The following GAS7 variants were observed in gnomAD, a reference collection of about 807,000 sequenced individuals.
GAS7 encodes growth arrest-specific protein 7.
GAS7 carries 28 observed loss-of-function variants against 71.1 expected under a neutral mutation model. The observed-to-expected ratio is 0.39, with a 90% CI of 0.29 to 0.54. GAS7 has a LOEUF of 0.54. Among genes scored for constraint, GAS7 ranks in the 20% least tolerant of loss-of-function variants. GAS7 has a pLI of 0.62. For missense variants in GAS7, 436 were observed against 627.8 expected, an observed-to-expected ratio of 0.69 and a Z score of 3.27; for synonymous variants, 258 against 245.8, an observed-to-expected ratio of 1.05 and a Z score of -0.46.
chr17:10,103,699 G>A lies in GAS7; in HGVS notation c.184-83802C>T, dbSNP rs564387901. Among the ~76,000 whole-genome samples the A allele has an allele frequency of 9.9e-5, 15 of 152,126 alleles. No homozygotes were observed. Among genetic ancestry groups the A allele is most frequent in the African/African-American group, 3.6e-4 (15 of 41,502 alleles). On this transcript the variant is annotated intron_variant, in intron 1 of 13. Transcript: ENST00000432992. The surrounding 1 kb of genome is among the most constrained non-coding windows in gnomAD (Gnocchi z 5.5). Reference sequence around the variant, plus strand: ...AAATTAGCTGGGTGTGGTGGCACATGCCTGTAATCCCGGCTACTAGGGAGG... The same window carrying A: ...AAATTAGCTGGGTGTGGTGGCACATACCTGTAATCCCGGCTACTAGGGAGG...
chr17:10,056,194 T>C lies in GAS7; in HGVS notation c.184-36297A>G, dbSNP rs1192552674. On this transcript the variant is annotated intron_variant, in intron 1 of 13. Coordinates refer to ENST00000432992, the MANE Select transcript of GAS7 (RefSeq NM_201433.2). The stretch of plus-strand genomic sequence containing the variant: ...GGCAACATAGTGAGACCCCCATCTC[T>C]ACAAAAAATGTAAACATTAGCCAGG... Among the ~76,000 whole-genome samples the C allele has an allele frequency of 3.3e-5, 5 of 152,186 alleles. No homozygotes were observed. The East Asian group carries it at 9.7e-4, about 29-fold the overall frequency.
At chr17:10,197,130 G>C (rs1029845978) in intron 1 of GAS7, among the ~76,000 whole-genome samples, 3 of 152,154 alleles carry the variant, frequency 2.0e-5, no homozygotes, top group African/African-American at 7.2e-5. Context: ...TACATCCTCA[G>C]GCGGACTCAC....
chr17:9,973,690 C>T (rs1304452084), intron 3 of GAS7, among the ~76,000 whole-genome samples: 2 of 152,066 alleles, frequency 1.3e-5, no homozygotes, highest in African/African-American at 2.4e-5. Flanking sequence ...GAAAAATGAC[C>T]TCCCCGCAAA....
At chr17:10,078,830 C>T (rs1000597193) in intron 1 of GAS7, among the ~76,000 whole-genome samples, 2 of 152,170 alleles carry the variant, frequency 1.3e-5, no homozygotes, top group African/African-American at 4.8e-5. Context: ...GGGAGGACTG[C>T]TTGAGGCCAG....
Position 9,912,429 on chromosome 17 carries a change from A to G in GAS7, c.*4799T>C, listed in dbSNP as rs536705853. 2.6e-5 allele frequency: 6 copies of G among 233,100 alleles called. No homozygotes were observed. In the East Asian group the frequency reaches 3.6e-4, roughly 14 times the overall value. The allele number at this position is 233,100 out of a possible 1,614,324, so 14.4% of individuals were successfully genotyped here. A position where few individuals can be genotyped will look rare whatever the true frequency, so the allele number is the denominator to read the frequency against. ...ACAGATCCAGGAAAGCATCATGATGAGCCCCAGGGCCAGCCCCAGCCTTCT... is the reference window on the plus strand; with the variant it reads ...ACAGATCCAGGAAAGCATCATGATGGGCCCCAGGGCCAGCCCCAGCCTTCT... On this transcript the variant is annotated 3_prime_UTR_variant, in exon 14 of 14. Coordinates refer to ENST00000432992, the MANE Select transcript of GAS7 (RefSeq NM_201433.2).
intron 1 of GAS7, among the ~76,000 whole-genome samples, chr17:10,107,627 G>A (rs57129711): frequency 6.6e-6 from 1 of 151,460 alleles, no homozygotes; most frequent in Admixed American, 6.6e-5. Flanking sequence ...GTCCAGTGGG[G>A]GGCTGGGCAG....
At chr17:10,032,996 C>T (rs2072659057) in intron 1 of GAS7, among the ~76,000 whole-genome samples, 1 of 152,202 alleles carries the variant, frequency 6.6e-6, no homozygotes, top group Non-Finnish European at 1.5e-5. Flanking sequence ...GGATTCTCTT[C>T]CCCTTTGCCA....
At chr17:10,016,602 C>CAAAAAAAAA (rs1158379710) in intron 2 of GAS7, among the ~76,000 whole-genome samples, 50 of 84,676 alleles carry the variant, frequency 5.9e-4, no homozygotes, top group East Asian at 1.5e-3. Flanking sequence ...CTGTCTCTAC[C>CAAAAAAAAA]AAAAAAAAAA....
intron 1 of GAS7, among the ~76,000 whole-genome samples, chr17:10,114,088 T>A (rs1056096097): frequency 2.0e-5 from 3 of 152,084 alleles, no homozygotes; most frequent in Middle Eastern, 3.4e-3. Context: ...CTAATCTTTT[T>A]TTTTCTTTCA....
At chr17:10,104,509 G>T (rs1166223530) in intron 1 of GAS7, among the ~76,000 whole-genome samples, 3 of 152,034 alleles carry the variant, frequency 2.0e-5, no homozygotes, top group Admixed American at 6.6e-5. Context: ...AATATCTCTA[G>T]CCCTGACCTG....
At chr17:10,146,120 G>C (rs912275624) in intron 1 of GAS7, among the ~76,000 whole-genome samples, 4 of 152,124 alleles carry the variant, frequency 2.6e-5, no homozygotes, top group Admixed American at 6.6e-5. Flanking sequence ...CCCAAACTCG[G>C]GGGTAAAACT....
At chr17:9,930,567 G>A (rs1023691053) in intron 9 of GAS7, among the ~76,000 whole-genome samples, 5 of 152,078 alleles carry the variant, frequency 3.3e-5, no homozygotes, top group Non-Finnish European at 5.9e-5. Flanking sequence ...CTTTGTATAC[G>A]GCTCTCTCAT....
intron 1 of GAS7, among the ~76,000 whole-genome samples, chr17:10,091,143 A>G (rs1025128823): frequency 6.6e-6 from 1 of 152,102 alleles, no homozygotes; most frequent in Non-Finnish European, 1.5e-5. Context: ...TCCTCTACCC[A>G]GCAGCCAGAG....
At chr17:10,131,156 G>C (rs950493866) in intron 1 of GAS7, among the ~76,000 whole-genome samples, 1 of 152,098 alleles carries the variant, frequency 6.6e-6, no homozygotes, top group South Asian at 2.1e-4. Context: ...CCTCCCCAGC[G>C]TGCCTCTTGC....
chr17:10,048,003 C>A (rs79186358), intron 1 of GAS7, among the ~76,000 whole-genome samples: 15,528 of 152,096 alleles, frequency 0.1, 1,852 homozygotes, highest in African/African-American at 0.29. Context: ...CAAAAATAAT[C>A]TAAAATTACG....
At chr17:10,003,381 CAT>C in intron 2 of GAS7, among the ~76,000 whole-genome samples, 1 of 152,358 alleles carries the variant, frequency 6.6e-6, no homozygotes, top group South Asian at 2.1e-4. Context: ...AAAACAGTGA[CAT>C]TGTCTGTACC....
chr17:10,005,255 GCA>G (rs891883896), intron 2 of GAS7, among the ~76,000 whole-genome samples: 3 of 148,826 alleles, frequency 2.0e-5, no homozygotes, highest in African/African-American at 5.1e-5. Flanking sequence ...GCATGTGTGT[GCA>G]CACATACATG....
At chr17:10,005,069 G>GACACACA (rs2071425432) in intron 2 of GAS7, among the ~76,000 whole-genome samples, 1 of 133,662 alleles carries the variant, frequency 7.5e-6, no homozygotes. Flanking sequence ...ATGTGTGTAT[G>GACACACA]CACGCATACA....
Position 9,959,581 on chromosome 17 carries a change from C to G in GAS7, c.472-326G>C. The G allele has an allele frequency of 1.5e-6, 1 of 668,310 alleles. No homozygotes were observed. Among genetic ancestry groups the G allele is most frequent in the East Asian group, 3.6e-5 (1 of 27,632 alleles). The allele number at this position is 668,310 out of a possible 1,614,324, so 41.4% of individuals were successfully genotyped here. ...CGCTGCCCTCTGCTGGTGAACGTTCCGCGTGCCGCTTGCTGCCTGAAGCCG... is the reference window on the plus strand; with the variant it reads ...CGCTGCCCTCTGCTGGTGAACGTTCGGCGTGCCGCTTGCTGCCTGAAGCCG... On this transcript the variant is annotated intron_variant, in intron 4 of 13. Transcript: ENST00000432992. This position sits in a 1 kb window ranked among gnomAD's most constrained non-coding sequence, Gnocchi z 5.0.
Sources: gnomAD v4.1 joint callset for allele counts (sites outside exome capture counted in the v4.1 genomes callset) on GRCh38, gnomAD v4.1.1 for gene constraint, Gnocchi (gnomAD v3.1) non-coding constraint, MANE v1.5 for transcripts, NCBI Gene and HGNC (gene_info 2026-07-23, HGNC 2026-07-21) for gene names.